Variants in PCCA observed in about 807,000 individuals in gnomAD.
PCCA encodes propionyl-CoA carboxylase alpha chain, mitochondrial.
A neutral mutation model predicts 101.3 loss-of-function variants in PCCA; 74 were observed. The observed-to-expected ratio is 0.73, with a 90% CI of 0.61 to 0.89. The LOEUF (loss-of-function observed/expected upper bound fraction) is 0.89. Ranked by LOEUF, PCCA falls within the 40% of genes least tolerant of loss-of-function variation. The pLI, the probability that PCCA is intolerant of heterozygous loss-of-function variation, is 0.00. For synonymous variants in PCCA, 294 were observed against 313.6 expected (o/e 0.94, Z 0.66); for missense variants, 891 against 907.0 (o/e 0.98, Z 0.23).
chr13:100,104,882 T>G (rs1264771718), intron 2 of PCCA, among the ~76,000 whole-genome samples: 4 of 152,060 alleles, frequency 2.6e-5, no homozygotes, highest in African/African-American at 7.2e-5. Context: ...TTTTGTATTT[T>G]TAGTAGAGAC....
intron 21 of PCCA, among the ~76,000 whole-genome samples, chr13:100,480,046 G>A (rs537449174): frequency 3.3e-5 from 5 of 152,242 alleles, no homozygotes; most frequent in African/African-American, 9.6e-5. Context: ...AAAACCTATG[G>A]AGCATTTACT....
chr13:100,206,823 C>T (rs2058883778), intron 6 of PCCA, among the ~76,000 whole-genome samples: 1 of 152,152 alleles, frequency 6.6e-6, no homozygotes, highest in South Asian at 2.1e-4. Context: ...GATCCTAAGA[C>T]CTTCATGTGA....
At chr13:100,468,213 GC>G (rs2082690767) in intron 21 of PCCA, among the ~76,000 whole-genome samples, 1 of 152,294 alleles carries the variant, frequency 6.6e-6, no homozygotes, top group East Asian at 1.9e-4. Flanking sequence ...TGTCATCCAG[GC>G]TTTGTTTTTG....
At chr13:100,124,279 G>A (rs1289245430) in intron 4 of PCCA, among the ~76,000 whole-genome samples, 2 of 151,992 alleles carry the variant, frequency 1.3e-5, no homozygotes, top group African/African-American at 2.4e-5. Context: ...CTCTATCTAC[G>A]TTCCTAAATT....
chr13:100,130,566 T>G (rs1025462749), intron 4 of PCCA, among the ~76,000 whole-genome samples: 1 of 46,466 alleles, frequency 2.2e-5, no homozygotes, highest in Admixed American at 2.6e-4. Flanking sequence ...GTAGAAATTG[T>G]TAAGTTGAGG....
chr13:100,127,968 CTT>C (rs1487935423), intron 4 of PCCA, among the ~76,000 whole-genome samples: 1 of 152,150 alleles, frequency 6.6e-6, no homozygotes, highest in African/African-American at 2.4e-5. Flanking sequence ...AAGGCCATGA[CTT>C]AACTCATTTT....
chr13:100,309,765 T>C, intron 15 of PCCA, 68 bp from the exon 16 acceptor site: 2 of 1,023,244 alleles, frequency 2.0e-6, no homozygotes, highest in Non-Finnish European at 2.9e-6. Flanking sequence ...TAATTTTTAC[T>C]AAAATGAATC....
At position 100,530,062 on chromosome 13, in the gene PCCA, T is replaced by G. The variant is rs1184118358; in HGVS notation, c.2119-36T>G. On this transcript the variant is annotated intron_variant, in intron 23 of 23. Coordinates refer to ENST00000376285, the MANE Select transcript of PCCA (RefSeq NM_000282.4). The stretch of plus-strand genomic sequence containing the variant: ...CCTCTTGGTTCTGGTTACTAATTCT[T>G]ACTCTCCCCTCCCCCTGCATTTTTC... The G allele has an allele frequency of 1.9e-6, 3 of 1,549,304 alleles. No individual in the cohort carries two copies. The East Asian group carries it at 6.7e-5, about 35-fold the overall frequency.
chr13:100,324,853 C>G (rs2068474764), intron 16 of PCCA, among the ~76,000 whole-genome samples: 1 of 152,118 alleles, frequency 6.6e-6, no homozygotes, highest in African/African-American at 2.4e-5. Context: ...TTGCATATGG[C>G]AGTAAAAAGT....
At chr13:100,223,307 T>A (rs540148761) in intron 7 of PCCA, among the ~76,000 whole-genome samples, 5 of 152,320 alleles carry the variant, frequency 3.3e-5, no homozygotes, top group South Asian at 2.1e-4. Context: ...TTACAGCTCT[T>A]AAGGTGGCGC....
intron 19 of PCCA, among the ~76,000 whole-genome samples, chr13:100,373,619 T>G (rs1330270712): frequency 6.6e-6 from 1 of 152,192 alleles, no homozygotes; most frequent in Non-Finnish European, 1.5e-5. Context: ...GAGTTATTGC[T>G]TCAAGAATAC....
chr13:100,185,703 A>G (rs576572486), intron 6 of PCCA, among the ~76,000 whole-genome samples: 1 of 150,158 alleles, frequency 6.7e-6, no homozygotes, highest in Non-Finnish European at 1.5e-5. Flanking sequence ...GCTGGAGTGC[A>G]ATGGTGCGAT....
intron 14 of PCCA, among the ~76,000 whole-genome samples, chr13:100,305,179 G>T (rs1024835568): frequency 3.3e-5 from 5 of 152,100 alleles, no homozygotes; most frequent in African/African-American, 1.2e-4. Flanking sequence ...TTTTAATTGG[G>T]AATACTGATT....
rs140284754 is a variant in PCCA, at chr13:100,380,032, A to AACACACACACACACACACACACAC, written c.1746+11479_1746+11480insCACACACACACACACACACACACA. Among the ~76,000 whole-genome samples, 16 of 149,662 alleles carry AACACACACACACACACACACACAC rather than the reference A, an allele frequency of 1.1e-4. No homozygotes were observed. In the South Asian group the frequency reaches 1.5e-3, roughly 14 times the overall value. On this transcript the variant is annotated intron_variant, in intron 19 of 23. Transcript: ENST00000376285. Reference sequence around the variant, plus strand: ...GACCCAGAATAGCCAAAGTAATCTAAACACACACACACACACACACAGACA... The same window carrying AACACACACACACACACACACACAC: ...GACCCAGAATAGCCAAAGTAATCTAAACACACACACACACACACACACACACACACACACACACACACACAGACA...
At chr13:100,217,313 T>C (rs2059574908) in intron 7 of PCCA, among the ~76,000 whole-genome samples, 2 of 143,560 alleles carry the variant, frequency 1.4e-5, no homozygotes, top group South Asian at 4.5e-4. Flanking sequence ...GGCGTGGTGG[T>C]GCGCACCTGT....
intron 16 of PCCA, among the ~76,000 whole-genome samples, chr13:100,323,551 T>G (rs185700004): frequency 1.4e-4 from 22 of 152,062 alleles, no homozygotes; most frequent in Middle Eastern, 3.4e-3. Context: ...TTGCTGACCT[T>G]GTGATCCTCC....
intron 12 of PCCA, among the ~76,000 whole-genome samples, chr13:100,295,889 C>A (rs2065491271): frequency 6.6e-6 from 1 of 152,188 alleles, no homozygotes; most frequent in Non-Finnish European, 1.5e-5. Context: ...TCCCCTTTTC[C>A]CTTAAAACTG....
At chr13:100,214,904 A>G (rs1202239125) in intron 7 of PCCA, among the ~76,000 whole-genome samples, 1 of 152,216 alleles carries the variant, frequency 6.6e-6, no homozygotes, top group East Asian at 1.9e-4. Context: ...TGAGTGACCA[A>G]AAATCCAGAT....
At chr13:100,415,943 T>A (rs1468352517) in intron 19 of PCCA, among the ~76,000 whole-genome samples, 2 of 152,250 alleles carry the variant, frequency 1.3e-5, no homozygotes, top group African/African-American at 4.8e-5. Flanking sequence ...GTTTCTTTTT[T>A]GTTTTTTAAT....
Sources: gnomAD v4.1 joint callset for allele counts (sites outside exome capture counted in the v4.1 genomes callset) on GRCh38, gnomAD v4.1.1 for gene constraint, MANE v1.5 for transcripts, NCBI Gene and HGNC (gene_info 2026-07-23, HGNC 2026-07-21) for gene names.